Variants in EXOC6 observed in about 807,000 individuals in gnomAD.
The protein encoded by EXOC6 is exocyst complex component 6.
In EXOC6, 60 loss-of-function variants were observed where a neutral mutation model predicts 112.5. The ratio of observed to expected loss-of-function variants is 0.53; its 90% CI spans 0.43 to 0.66. The LOEUF (loss-of-function observed/expected upper bound fraction) is 0.66, where lower values mean the gene tolerates loss of function less well. EXOC6 is among the 30% of genes least tolerant of loss of function. The pLI is 0.00. For missense variants in EXOC6, 855 were observed against 957.1 expected (o/e 0.89, Z 1.41); for synonymous variants, 295 against 308.0 (o/e 0.96, Z 0.44).
chr10:92,847,266 G>A (rs138152888), upstream of EXOC6, among the ~76,000 whole-genome samples: 1 of 152,340 alleles, frequency 6.6e-6, no homozygotes, highest in African/African-American at 2.4e-5. Flanking sequence ...CACTGCCATT[G>A]TCATTTACAG....
Position 92,891,636 on chromosome 10 carries a change from G to A in EXOC6, c.102-1713G>A, listed in dbSNP as rs1428913207. On this transcript the variant is annotated intron_variant, in intron 1 of 21. Transcript: ENST00000260762. ...AGCTGAGATTACAGGCACCTGCCAC[G>A]ACACCCAGCTAATTTTTGTATTTTT... Among the ~76,000 whole-genome samples, 9 of 151,954 alleles carry A rather than the reference G, an allele frequency of 5.9e-5. No homozygotes were observed. The East Asian group carries it at 7.8e-4, about 13-fold the overall frequency.
rs761027426 is a variant in EXOC6, at chr10:92,834,841, T to TTGTGTCTTC, written c.86+18_86+19insGTGTCTTCT. The TTGTGTCTTC allele has an allele frequency of 1.9e-5, 29 of 1,492,140 alleles. No homozygotes were observed. The South Asian group carries it at 3.3e-4, about 17-fold the overall frequency. The allele number at this position is 1,492,140 out of a possible 1,614,324, so 92.4% of individuals were successfully genotyped here. ...TACTTTAAGGTAGGGCACCGTTGCATTTTATTGTGTCTTCTTTAGCGGTGA... is the reference window on the plus strand; with the variant it reads ...TACTTTAAGGTAGGGCACCGTTGCATTGTGTCTTCTTTATTGTGTCTTCTTTAGCGGTGA... On this transcript the variant is annotated intron_variant, in intron 1 of 21. Coordinates refer to the EXOC6 transcript ENST00000371552.
chr10:92,979,357 T>C (rs1842745828), intron 18 of EXOC6, among the ~76,000 whole-genome samples: 1 of 152,324 alleles, frequency 6.6e-6, no homozygotes, highest in African/African-American at 2.4e-5. Flanking sequence ...AAGATTGTCA[T>C]GATGTGCAAT....
intron 20 of EXOC6, among the ~76,000 whole-genome samples, chr10:93,041,323 TG>T (rs1229805314): frequency 6.6e-6 from 1 of 152,240 alleles, no homozygotes; most frequent in Non-Finnish European, 1.5e-5. Flanking sequence ...TTATTTTTTC[TG>T]CCTTAAGTGC....
intron 19 of EXOC6, among the ~76,000 whole-genome samples, chr10:93,000,625 G>A (rs980070863): frequency 6.6e-6 from 1 of 152,186 alleles, no homozygotes; most frequent in African/African-American, 2.4e-5. Context: ...AACCACGGAA[G>A]ACAACTCGGA....
Position 92,949,937 on chromosome 10 carries a change from C to T in EXOC6, c.1416+1558C>T, listed in dbSNP as rs79148299. ...AGGCAAATGACTGAGCCTGTGTGGG[C>T]ATTTGTGCCTCATCTGTCAAATGAG... On this transcript the variant is annotated intron_variant, in intron 14 of 21. Transcript: ENST00000260762. Among the ~76,000 whole-genome samples the T allele has an allele frequency of 9.9e-3, 1,507 of 152,202 alleles. 20 individuals carry two copies. Among genetic ancestry groups the T allele is most frequent in the African/African-American group, 0.033 (1,359 of 41,518 alleles).
chr10:92,832,631 A>G (rs1262854198), upstream of EXOC6, among the ~76,000 whole-genome samples: 37 of 152,012 alleles, frequency 2.4e-4, 1 homozygote, highest in Admixed American at 2.4e-3. Context: ...AATCAGATAG[A>G]CATTCTGCAC....
intron 19 of EXOC6, among the ~76,000 whole-genome samples, chr10:93,005,920 G>A (rs1843956007): frequency 6.6e-6 from 1 of 152,172 alleles, no homozygotes; most frequent in Non-Finnish European, 1.5e-5. Context: ...AGCACTTTGG[G>A]AGGCCACGAC....
intron 12 of EXOC6, among the ~76,000 whole-genome samples, chr10:92,937,076 C>T (rs941360520): frequency 6.6e-6 from 1 of 152,134 alleles, no homozygotes; most frequent in African/African-American, 2.4e-5. Flanking sequence ...TTGTGATTTT[C>T]AGTATCAAAG....
chr10:92,955,525 G>T, intron 16 of EXOC6, 55 bp from the exon 17 acceptor site: 2 of 1,409,890 alleles, frequency 1.4e-6, no homozygotes, highest in Admixed American at 4.3e-5. Flanking sequence ...TAAAAATTAG[G>T]TGATTTTACA....
At chr10:92,841,550 C>T (rs1390267482) in intron 1 of EXOC6, among the ~76,000 whole-genome samples, 2 of 152,170 alleles carry the variant, frequency 1.3e-5, no homozygotes, top group South Asian at 2.1e-4. Flanking sequence ...CAGAGGCTTG[C>T]TGCATCTGTT....
intron 17 of EXOC6, among the ~76,000 whole-genome samples, chr10:92,959,286 A>G (rs914199490): frequency 6.6e-6 from 1 of 152,220 alleles, no homozygotes; most frequent in African/African-American, 2.4e-5. Flanking sequence ...TGCTGAATCA[A>G]CTGGACATCC....
chr10:93,049,359 C>A (rs1846172288), intron 20 of EXOC6, among the ~76,000 whole-genome samples: 1 of 152,128 alleles, frequency 6.6e-6, no homozygotes, highest in African/African-American at 2.4e-5. Context: ...CCGTGCCCGG[C>A]CCAGCAGCAT....
chr10:92,989,940 CAT>C (rs1248906406), intron 18 of EXOC6, among the ~76,000 whole-genome samples: 10 of 152,106 alleles, frequency 6.6e-5, no homozygotes, highest in African/African-American at 9.7e-5. Context: ...ATTTCTATGA[CAT>C]ATTTTGATAT....
intron 1 of EXOC6, among the ~76,000 whole-genome samples, chr10:92,880,898 T>C (rs1044500777): frequency 6.6e-6 from 1 of 152,224 alleles, no homozygotes; most frequent in Admixed American, 6.5e-5. Flanking sequence ...ATTTTAAGTT[T>C]AATACTATTT....
chr10:93,034,272 A>G (rs1395622472), intron 20 of EXOC6, among the ~76,000 whole-genome samples: 1 of 152,222 alleles, frequency 6.6e-6, no homozygotes, highest in African/African-American at 2.4e-5. Flanking sequence ...TCGCTATGCC[A>G]GGTTCATATC....
intron 1 of EXOC6, among the ~76,000 whole-genome samples, chr10:92,842,349 ACT>A: frequency 8.1e-6 from 1 of 123,584 alleles, no homozygotes; most frequent in South Asian, 2.6e-4. Flanking sequence ...ACAGAGCGAG[ACT>A]CTGTCTCAGA....
intron 20 of EXOC6, among the ~76,000 whole-genome samples, chr10:93,042,348 A>G (rs1023602507): frequency 3.3e-5 from 5 of 152,208 alleles, no homozygotes; most frequent in Non-Finnish European, 7.3e-5. Context: ...AATAGCCTAT[A>G]CATATGTCCA....
chr10:92,913,110 G>A (rs2133884109), intron 6 of EXOC6, among the ~76,000 whole-genome samples: 1 of 152,298 alleles, frequency 6.6e-6, no homozygotes, highest in East Asian at 1.9e-4. Flanking sequence ...ATAATCAGGA[G>A]CATTTCATCT....
Sources: allele counts gnomAD v4.1 joint callset (sites outside exome capture counted in the v4.1 genomes callset), GRCh38; gene constraint gnomAD v4.1.1; transcripts MANE v1.5; gene names NCBI Gene and HGNC (gene_info 2026-07-23, HGNC 2026-07-21).